Variants in GRM7 observed in about 807,000 individuals in gnomAD.
The protein encoded by GRM7 is glutamate metabotropic receptor 7, also known as metabotropic glutamate receptor 7.
In GRM7, 35 loss-of-function variants were observed where a neutral mutation model predicts 84.5. The ratio of observed to expected loss-of-function variants is 0.41; its 90% confidence interval spans 0.32 to 0.55. GRM7 has a LOEUF of 0.55. Ranked by LOEUF, GRM7 falls within the 20% of genes least tolerant of loss-of-function variation. The pLI is 0.19. For missense variants in GRM7, 1,003 were observed against 1,194.6 expected, an observed-to-expected ratio of 0.84 and a Z score of 2.36; for synonymous variants, 487 against 455.1, an observed-to-expected ratio of 1.07 and a Z score of -0.89.
At chr3:6,948,877 C>A (rs1221031807) in intron 1 of GRM7, among the ~76,000 whole-genome samples, 2 of 152,138 alleles carry the variant, frequency 1.3e-5, no homozygotes, top group Non-Finnish European at 2.9e-5. Flanking sequence ...AAGATTGCAA[C>A]CCCTGCCTTT....
intron 8 of GRM7, chr3:7,606,830 C>T (rs1456068759): frequency 6.6e-6 from 1 of 152,012 alleles, no homozygotes; most frequent in Non-Finnish European, 1.5e-5. Flanking sequence ...CTCCTGCACC[C>T]GGCATTGTTT....
chr3:7,132,638 A>C (rs1693641812), intron 1 of GRM7, among the ~76,000 whole-genome samples: 1 of 152,236 alleles, frequency 6.6e-6, no homozygotes, highest in African/African-American at 2.4e-5. Flanking sequence ...AGAATAAAAG[A>C]ACTAAATAAA....
At chr3:7,283,923 A>G (rs764322566) in intron 2 of GRM7, among the ~76,000 whole-genome samples, 2 of 152,190 alleles carry the variant, frequency 1.3e-5, no homozygotes, top group Non-Finnish European at 2.9e-5. Context: ...TTCAAACAAC[A>G]TATATGTCAA....
chr3:7,230,963 C>T (rs1308882064), intron 2 of GRM7, among the ~76,000 whole-genome samples: 1 of 152,186 alleles, frequency 6.6e-6, no homozygotes, highest in Non-Finnish European at 1.5e-5. Context: ...CATTCATACT[C>T]ACCCATCCAG....
intron 2 of GRM7, among the ~76,000 whole-genome samples, chr3:7,175,148 A>T (rs1695104436): frequency 6.6e-6 from 1 of 152,196 alleles, no homozygotes; most frequent in African/African-American, 2.4e-5. Flanking sequence ...TTGCTTTTGG[A>T]ACATGTATTT....
chr3:7,127,791 C>G (rs1392832553), intron 1 of GRM7, among the ~76,000 whole-genome samples: 1 of 151,996 alleles, frequency 6.6e-6, no homozygotes, highest in Non-Finnish European at 1.5e-5. Context: ...GTTTGTTTTA[C>G]TTCCAATACT....
chr3:6,960,080 TA>T (rs1693230929), intron 1 of GRM7, among the ~76,000 whole-genome samples: 2 of 152,278 alleles, frequency 1.3e-5, no homozygotes, highest in South Asian at 2.1e-4. Context: ...ATACTTTGCT[TA>T]AAGACTAATT....
At chr3:6,914,136 C>G (rs1278630837) in intron 1 of GRM7, among the ~76,000 whole-genome samples, 2 of 152,094 alleles carry the variant, frequency 1.3e-5, no homozygotes, top group Non-Finnish European at 2.9e-5. Context: ...GGACTGAATC[C>G]TCCTTTGCCT....
intron 2 of GRM7, among the ~76,000 whole-genome samples, chr3:7,177,900 A>G (rs1055752259): frequency 4.6e-5 from 7 of 152,224 alleles, no homozygotes; most frequent in African/African-American, 1.7e-4. Context: ...AAATTTCAAT[A>G]GTAATGTTCA....
chr3:7,029,685 G>A (rs1385635396), intron 1 of GRM7, among the ~76,000 whole-genome samples: 1 of 152,166 alleles, frequency 6.6e-6, no homozygotes, highest in African/African-American at 2.4e-5. Flanking sequence ...TTGAATGATG[G>A]TTGCTGGAGG....
intron 8 of GRM7, among the ~76,000 whole-genome samples, chr3:7,659,003 G>A (rs759207093): frequency 6.6e-6 from 1 of 152,088 alleles, no homozygotes; most frequent in African/African-American, 2.4e-5. Context: ...TAAGATTTCT[G>A]CAAACCAAAG....
chr3:6,870,297 G>A (rs190460502), intron 1 of GRM7, among the ~76,000 whole-genome samples: 16 of 152,250 alleles, frequency 1.1e-4, no homozygotes, highest in African/African-American at 3.6e-4. Flanking sequence ...GCAAAGACTT[G>A]AAGCAAGGGA....
At chr3:7,327,770 T>A (rs1176405140) in intron 4 of GRM7, among the ~76,000 whole-genome samples, 2 of 152,196 alleles carry the variant, frequency 1.3e-5, no homozygotes, top group African/African-American at 4.8e-5. Flanking sequence ...TGTCATAATA[T>A]TTGCATGTTT....
At chr3:7,363,280 G>A (rs1693747811) in intron 4 of GRM7, among the ~76,000 whole-genome samples, 1 of 151,926 alleles carries the variant, frequency 6.6e-6, no homozygotes, top group South Asian at 2.1e-4. Flanking sequence ...TTGCTATGTT[G>A]CTTTAAGATG....
intron 1 of GRM7, among the ~76,000 whole-genome samples, chr3:6,912,872 A>T (rs576221637): frequency 5.3e-5 from 8 of 152,296 alleles, no homozygotes; most frequent in African/African-American, 1.9e-4. Flanking sequence ...ATAAAACCAC[A>T]TTTTCTGTTG....
intron 1 of GRM7, among the ~76,000 whole-genome samples, chr3:7,057,273 C>T (rs893459805): frequency 4.6e-5 from 7 of 151,806 alleles, no homozygotes; most frequent in Admixed American, 6.6e-5. Context: ...ACAATAGTTA[C>T]GAATATTACC....
intron 8 of GRM7, among the ~76,000 whole-genome samples, chr3:7,589,172 A>G (rs1033778995): frequency 6.6e-6 from 1 of 152,238 alleles, no homozygotes; most frequent in Admixed American, 6.5e-5. Flanking sequence ...ACCAAATGCC[A>G]GATGAATGGA....
At chr3:6,894,680 G>A (rs1013443421) in intron 1 of GRM7, among the ~76,000 whole-genome samples, 7 of 152,128 alleles carry the variant, frequency 4.6e-5, no homozygotes, top group African/African-American at 1.7e-4. Flanking sequence ...GTTTTGTGGG[G>A]AAGATAGGAT....
intron 1 of GRM7, among the ~76,000 whole-genome samples, chr3:6,914,642 C>G (rs1480877770): frequency 1.3e-5 from 2 of 152,140 alleles, no homozygotes; most frequent in African/African-American, 4.8e-5. Flanking sequence ...ACCTCATGAT[C>G]CACCTGCCTC....
Sources: gnomAD v4.1 joint callset for allele counts (sites outside exome capture counted in the v4.1 genomes callset) on GRCh38, gnomAD v4.1.1 for gene constraint, MANE v1.5 for transcripts, NCBI Gene and HGNC (gene_info 2026-07-23, HGNC 2026-07-21) for gene names.